Variants in DGKB observed in about 807,000 individuals in gnomAD.
The protein encoded by DGKB is 90 kDa diacylglycerol kinase.
DGKB carries 67 observed loss-of-function variants against 114.3 expected under a neutral mutation model. The observed-to-expected ratio is 0.59, with a 90% CI of 0.48 to 0.72. DGKB has a LOEUF of 0.72. DGKB is among the 30% of genes least tolerant of loss of function. DGKB has a pLI of 0.00. For missense variants in DGKB, 907 were observed against 975.2 expected, an observed-to-expected ratio of 0.93 and a Z score of 0.93; for synonymous variants, 398 against 323.1, an observed-to-expected ratio of 1.23 and a Z score of -2.49.
At chr7:14,312,303 C>G (rs1419167000) in intron 23 of DGKB, among the ~76,000 whole-genome samples, 1 of 152,142 alleles carries the variant, frequency 6.6e-6, no homozygotes, top group Non-Finnish European at 1.5e-5. Context: ...TTGAAGGTCC[C>G]TGAAACACTT....
chr7:14,940,612 C>A (rs570314240), intron 1 of DGKB, among the ~76,000 whole-genome samples: 3 of 152,114 alleles, frequency 2.0e-5, no homozygotes, highest in South Asian at 4.2e-4. Flanking sequence ...AGTTTGCCAA[C>A]CTTTGTTCTA....
intron 23 of DGKB, among the ~76,000 whole-genome samples, chr7:14,198,980 T>C (rs61561903): frequency 0.17 from 25,502 of 152,036 alleles, 2,387 homozygotes; most frequent in African/African-American, 0.23. Context: ...TTCCTAGTCC[T>C]AAATTTTGAT....
At chr7:14,528,648 T>A (rs1000890942) in intron 20 of DGKB, among the ~76,000 whole-genome samples, 7 of 151,992 alleles carry the variant, frequency 4.6e-5, no homozygotes, top group Non-Finnish European at 1.0e-4. Flanking sequence ...ATACACATTC[T>A]ATGGAGTGAA....
chr7:14,639,199 A>T (rs1811295060), intron 13 of DGKB, among the ~76,000 whole-genome samples: 1 of 152,178 alleles, frequency 6.6e-6, no homozygotes, highest in South Asian at 2.1e-4. Flanking sequence ...TGGGTGTAAT[A>T]AGATGAGAAT....
At chr7:14,341,413 T>A (rs1443208957) in intron 22 of DGKB, among the ~76,000 whole-genome samples, 2 of 151,814 alleles carry the variant, frequency 1.3e-5, no homozygotes, top group African/African-American at 4.8e-5. Context: ...ATAAACAAGT[T>A]ATAGTACTGT....
At chr7:14,654,413 C>T (rs7810864) in intron 13 of DGKB, among the ~76,000 whole-genome samples, 80,218 of 151,734 alleles carry the variant, frequency 0.53, 22,980 homozygotes, top group Admixed American at 0.67. Context: ...AAAAGACATG[C>T]CATGCTCATG....
chr7:14,873,724 G>A (rs1184573502), intron 1 of DGKB, among the ~76,000 whole-genome samples: 2 of 151,822 alleles, frequency 1.3e-5, no homozygotes, highest in Non-Finnish European at 2.9e-5. Context: ...TTAACTTTGA[G>A]TCCACTGTTT....
chr7:14,805,172 T>C (rs1343872146), intron 2 of DGKB, among the ~76,000 whole-genome samples: 1 of 152,090 alleles, frequency 6.6e-6, no homozygotes, highest in Non-Finnish European at 1.5e-5. Context: ...TGTTAGTGAA[T>C]TGCTATTTCC....
At chr7:14,803,503 T>C (rs557535644) in intron 2 of DGKB, among the ~76,000 whole-genome samples, 1 of 152,318 alleles carries the variant, frequency 6.6e-6, no homozygotes, top group African/African-American at 2.4e-5. Flanking sequence ...TACCTGTTTA[T>C]TTTTAATTGT....
rs78326804 is a variant in DGKB at position 14,278,533 on chromosome 7, C to A, written c.2122+59982G>T. 6.6e-5 allele frequency among the ~76,000 whole-genome samples: 10 copies of A among 152,188 alleles called. No individual in the cohort carries two copies. The East Asian group carries it at 1.9e-3, about 29-fold the overall frequency. On this transcript the variant is annotated intron_variant, in intron 23 of 25. Transcript: ENST00000402815. ...CTTAAACACAAGACCTAAAACTATA[C>A]GACTACTAGAATAAAACATGGGGAA...
chr7:14,231,779 G>C (rs1791896703), intron 23 of DGKB, among the ~76,000 whole-genome samples: 1 of 151,934 alleles, frequency 6.6e-6, no homozygotes, highest in South Asian at 2.1e-4. Flanking sequence ...TCTGATTAAA[G>C]ATGGTCATCT....
At chr7:14,250,990 A>T (rs1255641340) in intron 23 of DGKB, among the ~76,000 whole-genome samples, 1 of 152,078 alleles carries the variant, frequency 6.6e-6, no homozygotes, top group African/African-American at 2.4e-5. Flanking sequence ...ATATCTCTTG[A>T]TTTCTGTAAA....
intron 1 of DGKB, among the ~76,000 whole-genome samples, chr7:14,970,894 T>C (rs1467107582): frequency 3.9e-5 from 6 of 152,188 alleles, no homozygotes; most frequent in Admixed American, 1.3e-4. Context: ...TACACTAGGA[T>C]GGCACAGATA....
At chr7:14,166,165 G>GA (rs1271376221) in intron 25 of DGKB, among the ~76,000 whole-genome samples, 1 of 152,136 alleles carries the variant, frequency 6.6e-6, no homozygotes, top group Non-Finnish European at 1.5e-5. Context: ...ATTTAAAAAA[G>GA]AAAATCTCAT....
At chr7:14,186,403 T>G (rs943592492) in intron 23 of DGKB, among the ~76,000 whole-genome samples, 1 of 152,132 alleles carries the variant, frequency 6.6e-6, no homozygotes, top group Non-Finnish European at 1.5e-5. Flanking sequence ...TAGAGAACAA[T>G]TCTACACTGT....
At chr7:14,935,319 G>T (rs1474719838) in intron 1 of DGKB, among the ~76,000 whole-genome samples, 3 of 152,140 alleles carry the variant, frequency 2.0e-5, no homozygotes, top group African/African-American at 4.8e-5. Flanking sequence ...AGTTTTGATT[G>T]AATTACAAGA....
chr7:14,246,189 C>T (rs1412300823), intron 23 of DGKB, among the ~76,000 whole-genome samples: 1 of 152,056 alleles, frequency 6.6e-6, no homozygotes, highest in African/African-American at 2.4e-5. Context: ...TTTTCTTTAT[C>T]AGTATATTAT....
intron 2 of DGKB, among the ~76,000 whole-genome samples, chr7:14,831,739 G>T (rs1003648334): frequency 1.4e-4 from 22 of 152,058 alleles, no homozygotes; most frequent in African/African-American, 5.1e-4. Context: ...AGTTATTACA[G>T]AAATATTTCA....
At position 14,166,682 on chromosome 7, in the gene DGKB, A is replaced by T. The variant is rs1784652560; in HGVS notation, c.2304+10157T>A. On this transcript the variant is annotated intron_variant, in intron 25 of 25. Coordinates refer to ENST00000402815, the MANE Select transcript of DGKB (RefSeq NM_001350709.2). ...TGAAGTTGCTGAAAAGAAAATAATA[A>T]AAGGCAAATTGGGGAAGAAGACCAG... 2.0e-5 allele frequency among the ~76,000 whole-genome samples: 3 copies of T among 152,306 alleles called. 1 individual carries two copies. The South Asian group carries it at 6.2e-4, about 32-fold the overall frequency.
Sources: gnomAD v4.1 joint callset for allele counts (sites outside exome capture counted in the v4.1 genomes callset) on GRCh38, gnomAD v4.1.1 for gene constraint, MANE v1.5 for transcripts, NCBI Gene and HGNC (gene_info 2026-07-23, HGNC 2026-07-21) for gene names.